The following WDR7 variants were observed in gnomAD, a reference collection of about 807,000 sequenced individuals.
WDR7 encodes WD repeat-containing protein 7.
Under a neutral mutation model 169.4 loss-of-function variants are expected in WDR7, and 46 were observed. That is an observed-to-expected ratio of 0.27 (90% CI 0.21 to 0.35). The LOEUF (loss-of-function observed/expected upper bound fraction) is 0.35, where lower values mean the gene tolerates loss of function less well. Ranked by LOEUF, WDR7 falls within the 10% of genes least tolerant of loss-of-function variation. The pLI is 1.00. For synonymous variants in WDR7, 612 were observed against 666.8 expected (o/e 0.92, Z 1.27); for missense variants, 1,534 against 1,859.3 (o/e 0.83, Z 3.22).
chr18:56,672,822 A>C, intron 2 of WDR7, 148 bp downstream of exon 2: 2 of 741,054 alleles, frequency 2.7e-6, no homozygotes, highest in Non-Finnish European at 3.9e-6. Context: ...CAGATTCATT[A>C]TTTACACTAT....
At chr18:56,663,624 C>T (rs1290398717) in intron 1 of WDR7, among the ~76,000 whole-genome samples, 1 of 135,392 alleles carries the variant, frequency 7.4e-6, no homozygotes, top group African/African-American at 3.3e-5. Flanking sequence ...ATATATACAC[C>T]ACATATATGC....
intron 25 of WDR7, among the ~76,000 whole-genome samples, chr18:56,944,861 C>A (rs970514483): frequency 1.3e-5 from 2 of 152,022 alleles, no homozygotes; most frequent in Non-Finnish European, 2.9e-5. Context: ...AATTCACAAG[C>A]AAATTAAAGA....
At chr18:56,705,857 G>A (rs983257762) in intron 12 of WDR7, among the ~76,000 whole-genome samples, 1 of 152,166 alleles carries the variant, frequency 6.6e-6, no homozygotes, top group African/African-American at 2.4e-5. Flanking sequence ...AATTAGCTGG[G>A]TGTGGTGGCG....
intron 14 of WDR7, among the ~76,000 whole-genome samples, chr18:56,755,103 T>C (rs2043864088): frequency 6.6e-6 from 1 of 152,120 alleles, no homozygotes; most frequent in African/African-American, 2.4e-5. Context: ...TTTTCTTTTT[T>C]TTTTCTTTTG....
chr18:56,829,120 C>CAAAAA (rs34184203), intron 20 of WDR7, among the ~76,000 whole-genome samples: 1 of 109,302 alleles, frequency 9.1e-6, no homozygotes, highest in Non-Finnish European at 1.9e-5. Flanking sequence ...TTCACCTCTC[C>CAAAAA]AAAAAAAAAA....
In WDR7 at chr18:56,829,296, C is replaced by CCA. The variant is rs368606980; in HGVS notation, c.3304+13167_3304+13168dup. On this transcript the variant is annotated intron_variant, in intron 20 of 27. Transcript: ENST00000254442. ...ATAAACAAACCCCAACCTCCCCCTA[C>CCA]CACACACACACACACAAAATAGGAC... Among the ~76,000 whole-genome samples the CCA allele has an allele frequency of 8.3e-4, 125 of 150,060 alleles. 1 individual carries two copies. The highest frequency in any genetic ancestry group is 2.0e-3 in the African/African-American group (81 of 40,964).
At chr18:56,877,270 T>A (rs893370069) in intron 20 of WDR7, among the ~76,000 whole-genome samples, 5 of 152,088 alleles carry the variant, frequency 3.3e-5, no homozygotes, top group African/African-American at 9.7e-5. Context: ...CAGAAATGAC[T>A]CAAGAAGAAG....
At chr18:56,952,314 G>T (rs1285026774) in intron 25 of WDR7, among the ~76,000 whole-genome samples, 1 of 152,192 alleles carries the variant, frequency 6.6e-6, no homozygotes, top group Non-Finnish European at 1.5e-5. Context: ...GAAACAAGGG[G>T]CTCTTGTGCC....
intron 21 of WDR7, among the ~76,000 whole-genome samples, chr18:56,919,903 G>C (rs996473704): frequency 4.6e-5 from 7 of 152,130 alleles, no homozygotes; most frequent in African/African-American, 1.4e-4. Context: ...AATGTGATCA[G>C]ATCTCTCCTT....
intron 25 of WDR7, among the ~76,000 whole-genome samples, chr18:56,941,772 T>C (rs1170921098): frequency 1.3e-5 from 2 of 152,212 alleles, no homozygotes; most frequent in Non-Finnish European, 2.9e-5. Flanking sequence ...GTGGGTTTTC[T>C]CTGGGTACTC....
intron 21 of WDR7, among the ~76,000 whole-genome samples, chr18:56,918,326 A>G (rs1333278922): frequency 6.6e-6 from 1 of 152,166 alleles, no homozygotes; most frequent in Non-Finnish European, 1.5e-5. Context: ...TTCTCAATAA[A>G]GAGTCAGTGA....
rs1011450636 is a variant in WDR7, at chr18:57,027,027, C to T, written c.4293C>T (p.Ser1431=). The T allele has an allele frequency of 6.2e-7, 1 of 1,613,916 alleles. No individual in the cohort carries two copies. The highest frequency in any genetic ancestry group is 8.5e-7 in the Non-Finnish European group (1 of 1,180,012). The change falls in exon 28 of 28, where the codon AGC becomes AGT. Residue 1431 remains serine (S), a synonymous_variant. Transcript: ENST00000254442. The part of the protein sequence containing the change: ...FWQMNTSLLG[S]IGMLNSAPQL... ...AGATGAACACGTCACTGCTGGGAAG[C>T]ATCGGCATGCTGAACTCGGCACCTC...
At chr18:56,681,509 C>A in intron 4 of WDR7, 118 bp downstream of exon 4, 1 of 596,162 alleles carries the variant, frequency 1.7e-6, no homozygotes, top group Non-Finnish European at 2.7e-6. Flanking sequence ...AGTAACAAGA[C>A]AAGAAAACTA....
At chr18:56,893,617 T>C (rs1320629638) in intron 21 of WDR7, among the ~76,000 whole-genome samples, 1 of 152,106 alleles carries the variant, frequency 6.6e-6, no homozygotes, top group African/African-American at 2.4e-5. Context: ...GGACTTCTTG[T>C]TGCTACCCAA....
chr18:56,703,885 TA>T (rs997453449), intron 12 of WDR7, among the ~76,000 whole-genome samples: 1 of 152,128 alleles, frequency 6.6e-6, no homozygotes, highest in Non-Finnish European at 1.5e-5. Flanking sequence ...AATGGTTTCT[TA>T]GGATAAGTTC....
intron 21 of WDR7, among the ~76,000 whole-genome samples, chr18:56,899,361 C>T (rs1286994990): frequency 6.6e-6 from 1 of 151,942 alleles, no homozygotes; most frequent in Non-Finnish European, 1.5e-5. Flanking sequence ...TTTTTCCCCA[C>T]TATATTACAT....
chr18:56,976,633 G>A (rs1210504891), intron 26 of WDR7, among the ~76,000 whole-genome samples: 3 of 152,176 alleles, frequency 2.0e-5, no homozygotes, highest in Admixed American at 2.0e-4. Context: ...GGTACAACAT[G>A]GCTGCCACCA....
intron 20 of WDR7, among the ~76,000 whole-genome samples, chr18:56,855,921 T>C (rs1568233025): frequency 6.6e-6 from 1 of 152,122 alleles, no homozygotes; most frequent in East Asian, 1.9e-4. Flanking sequence ...TATCTGCTCT[T>C]TGTAAGTAAA....
At position 56,999,322 on chromosome 18, in the gene WDR7, T is replaced by G. The variant is rs2047942289; in HGVS notation, c.4165-21423T>G. ...TTTTGAATACAGAAATATAGAAAAG[T>G]TAAATTTGTTAGATGGGTGGAGATA... On this transcript the variant is annotated intron_variant, in intron 26 of 27. Coordinates refer to ENST00000254442, the MANE Select transcript of WDR7 (RefSeq NM_015285.3). Among the ~76,000 whole-genome samples, 5 of 152,234 alleles carry G rather than the reference T, an allele frequency of 3.3e-5. No homozygotes were observed. The South Asian group carries it at 1.0e-3, about 32-fold the overall frequency.
Sources: gnomAD v4.1 joint callset for allele counts (sites outside exome capture counted in the v4.1 genomes callset) on GRCh38, gnomAD v4.1.1 for gene constraint, MANE v1.5 for transcripts, NCBI Gene and HGNC (gene_info 2026-07-23, HGNC 2026-07-21) for gene names.